The following NRG1 variants were observed in gnomAD, a reference collection of about 807,000 sequenced individuals.
NRG1 encodes pro-neuregulin-1, membrane-bound isoform.
A neutral mutation model predicts 63.8 loss-of-function variants in NRG1; 18 were observed. The ratio of observed to expected loss-of-function variants is 0.28; its 90% confidence interval spans 0.19 to 0.42. The LOEUF (loss-of-function observed/expected upper bound fraction) is 0.42, where lower values mean the gene tolerates loss of function less well. Among genes scored for constraint, NRG1 ranks in the 10% least tolerant of loss-of-function variants. The probability of loss-of-function intolerance (pLI) is 1.00; values close to 1 mark genes in which losing one functional copy is unlikely to be tolerated. For missense variants in NRG1, 762 were observed against 814.7 expected, an observed-to-expected ratio of 0.94 and a Z score of 0.79; for synonymous variants, 302 against 301.3, an observed-to-expected ratio of 1.00 and a Z score of -0.02.
rs182804553 is a variant in NRG1, at chr8:32,213,163, A to G, written c.38-382665A>G. Among the ~76,000 whole-genome samples, 7 of 152,310 alleles carry G rather than the reference A, an allele frequency of 4.6e-5. No individual in the cohort carries two copies. In the East Asian group the frequency reaches 1.3e-3, roughly 29 times the overall value. ...TTCTATTACAAAGATACAGGCTCAC[A>G]TATGTTCACTGCAGCACTCTTCACA... On this transcript the variant is annotated intron_variant, in intron 1 of 10. Coordinates refer to the NRG1 transcript ENST00000519301.
intron 1 of NRG1, among the ~76,000 whole-genome samples, chr8:32,371,429 T>C (rs1000804998): frequency 6.6e-6 from 1 of 152,192 alleles, no homozygotes; most frequent in African/African-American, 2.4e-5. Context: ...TTTTAAAAGA[T>C]GGGCTGAATG....
intron 1 of NRG1, among the ~76,000 whole-genome samples, chr8:32,200,820 A>C (rs549780110): frequency 6.6e-6 from 1 of 152,094 alleles, no homozygotes; most frequent in Non-Finnish European, 1.5e-5. Context: ...CTTGTGGTAC[A>C]TGTTGTTTGA....
chr8:32,097,376 G>GATCATATGGT (rs1830031381), intron 1 of NRG1, among the ~76,000 whole-genome samples: 1 of 152,110 alleles, frequency 6.6e-6, no homozygotes, highest in Non-Finnish European at 1.5e-5. Context: ...GAGATTGCTG[G>GATCATATGGT]ATCATATGGT....
chr8:32,178,915 ATGATAGAAAC>A (rs1005927082), intron 1 of NRG1, among the ~76,000 whole-genome samples: 9 of 152,142 alleles, frequency 5.9e-5, no homozygotes, highest in Non-Finnish European at 1.0e-4. Context: ...GTTGTAGAAA[ATGATAGAAAC>A]TGATGGACAT....
In NRG1 at chr8:32,331,778, G is replaced by C. The variant is rs1472643522; in HGVS notation, c.38-264050G>C. On this transcript the variant is annotated intron_variant, in intron 1 of 10. Transcript: ENST00000519301. Reference sequence around the variant, plus strand: ...GATGAACATCTCAGACCGATGCTTAGTAAAACCTACAGGGGGAAGCATGAT... The same window carrying C: ...GATGAACATCTCAGACCGATGCTTACTAAAACCTACAGGGGGAAGCATGAT... 1.6e-4 allele frequency among the ~76,000 whole-genome samples: 24 copies of C among 152,108 alleles called. 1 individual carries two copies. Among genetic ancestry groups the C allele is most frequent in the Admixed American group, 1.6e-3 (24 of 15,244 alleles).
intron 1 of NRG1, among the ~76,000 whole-genome samples, chr8:32,039,455 G>C (rs1206940096): frequency 6.6e-6 from 1 of 152,162 alleles, no homozygotes; most frequent in African/African-American, 2.4e-5. Context: ...AACTCTCAGA[G>C]ACTTGGAAAA....
At chr8:32,391,331 G>A (rs1282136105) in intron 1 of NRG1, among the ~76,000 whole-genome samples, 1 of 151,822 alleles carries the variant, frequency 6.6e-6, no homozygotes, top group African/African-American at 2.4e-5. Flanking sequence ...ACAGGTTCTT[G>A]TCATGTTGCC....
At chr8:32,301,479 G>T (rs774890422) in intron 1 of NRG1, among the ~76,000 whole-genome samples, 3 of 152,164 alleles carry the variant, frequency 2.0e-5, no homozygotes, top group Non-Finnish European at 2.9e-5. Context: ...AAATATAATT[G>T]CAATATTGAA....
At chr8:32,330,943 A>ATTGT (rs10676449) in intron 1 of NRG1, among the ~76,000 whole-genome samples, 27,825 of 151,842 alleles carry the variant, frequency 0.18, 2,875 homozygotes, top group Middle Eastern at 0.31. Context: ...AGAGTTTTAG[A>ATTGT]TTGTTTTGTT....
chr8:32,353,901 A>G (rs765351133), intron 1 of NRG1, among the ~76,000 whole-genome samples: 3 of 152,244 alleles, frequency 2.0e-5, no homozygotes, highest in Non-Finnish European at 2.9e-5. Flanking sequence ...GTAACAGCTA[A>G]AAGTTGGAAA....
At chr8:31,644,386 A>C (rs747205956) in intron 1 of NRG1, among the ~76,000 whole-genome samples, 18 of 152,212 alleles carry the variant, frequency 1.2e-4, no homozygotes, top group Admixed American at 1.3e-4. Context: ...ATTTGGGAGA[A>C]GAACTCCTTA....
intron 1 of NRG1, among the ~76,000 whole-genome samples, chr8:31,993,243 G>A (rs1364119831): frequency 2.0e-5 from 3 of 151,944 alleles, no homozygotes; most frequent in African/African-American, 7.2e-5. Context: ...GGAGCTCTGG[G>A]GCCAGAACAG....
chr8:32,766,869 T>A (rs6992642), exon 12 of NRG1: 1 of 151,948 alleles, frequency 6.6e-6, no homozygotes, highest in South Asian at 2.1e-4. Context: ...CAGGGGTATC[T>A]CTGTGATGCT....
intron 1 of NRG1, among the ~76,000 whole-genome samples, chr8:32,294,517 C>T (rs1854608876): frequency 6.6e-6 from 1 of 152,130 alleles, no homozygotes; most frequent in South Asian, 2.1e-4. Context: ...GATTCCAGCC[C>T]TGTGTAGAAT....
chr8:32,222,392 A>G (rs1845912894), intron 1 of NRG1, among the ~76,000 whole-genome samples: 1 of 152,190 alleles, frequency 6.6e-6, no homozygotes, highest in South Asian at 2.1e-4. Context: ...TGGAATTTCT[A>G]AAGTTCTGTG....
chr8:32,134,239 T>C (rs942698706), intron 1 of NRG1, among the ~76,000 whole-genome samples: 2 of 152,188 alleles, frequency 1.3e-5, no homozygotes, highest in East Asian at 3.9e-4. Flanking sequence ...AAGTCACGCC[T>C]ATACATTATT....
At chr8:31,672,820 A>G (rs993923208) in intron 1 of NRG1, among the ~76,000 whole-genome samples, 3 of 152,148 alleles carry the variant, frequency 2.0e-5, no homozygotes, top group Admixed American at 1.3e-4. Context: ...TTTTCCTGAG[A>G]GCAGAAATAT....
intron 4 of NRG1, among the ~76,000 whole-genome samples, chr8:32,614,797 C>G (rs1161871311): frequency 1.3e-5 from 2 of 152,102 alleles, no homozygotes; most frequent in African/African-American, 2.4e-5. Flanking sequence ...TGAAAGAAAT[C>G]TATATCTAGG....
intron 1 of NRG1, among the ~76,000 whole-genome samples, chr8:31,959,281 A>T (rs983034842): frequency 1.3e-4 from 20 of 152,204 alleles, no homozygotes; most frequent in Non-Finnish European, 2.8e-4. Flanking sequence ...TCTATTTTGT[A>T]TTAATGAATA....
Sources: gnomAD v4.1 joint callset for allele counts (sites outside exome capture counted in the v4.1 genomes callset) on GRCh38, gnomAD v4.1.1 for gene constraint, MANE v1.5 for transcripts, NCBI Gene and HGNC (gene_info 2026-07-23, HGNC 2026-07-21) for gene names.